Variants in CDH4 observed in about 807,000 individuals in gnomAD.
CDH4 encodes the protein cadherin 4.
CDH4 carries 33 observed loss-of-function variants against 86.0 expected under a neutral mutation model. The ratio of observed to expected loss-of-function variants is 0.38; its 90% CI spans 0.29 to 0.51. The LOEUF (loss-of-function observed/expected upper bound fraction) is 0.51, where lower values mean the gene tolerates loss of function less well. Ranked by LOEUF, CDH4 falls within the 20% of genes least tolerant of loss-of-function variation. CDH4 has a pLI of 0.86. For synonymous variants in CDH4, 555 were observed against 549.4 expected, an observed-to-expected ratio of 1.01 and a Z score of -0.14; for missense variants, 1,114 against 1,307.4, an observed-to-expected ratio of 0.85 and a Z score of 2.28.
chr20:61,301,533 G>A (rs550270990), intron 2 of CDH4, among the ~76,000 whole-genome samples: 24 of 152,282 alleles, frequency 1.6e-4, no homozygotes, highest in African/African-American at 5.8e-4. Context: ...AGTTTTTGCT[G>A]CTTTTTAAGT....
At chr20:61,330,678 C>T (rs2084567970) in intron 2 of CDH4, among the ~76,000 whole-genome samples, 1 of 152,210 alleles carries the variant, frequency 6.6e-6, no homozygotes, top group Non-Finnish European at 1.5e-5. Flanking sequence ...CCCTCATTCC[C>T]ACGAACGGGG....
intron 2 of CDH4, among the ~76,000 whole-genome samples, chr20:61,312,473 C>G (rs2084451940): frequency 6.6e-6 from 1 of 152,076 alleles, no homozygotes; most frequent in Non-Finnish European, 1.5e-5. Context: ...GCCTGGGAGG[C>G]AGAGTGAGGA....
At chr20:61,476,241 G>A (rs2085535049) in intron 2 of CDH4, among the ~76,000 whole-genome samples, 1 of 152,162 alleles carries the variant, frequency 6.6e-6, no homozygotes, top group Admixed American at 6.5e-5. Context: ...TTTCAGTCCT[G>A]CGTTAAGCTC....
chr20:61,312,487 G>T (rs546024266), intron 2 of CDH4, among the ~76,000 whole-genome samples: 188 of 152,224 alleles, frequency 1.2e-3, no homozygotes, highest in Non-Finnish European at 2.3e-3. Context: ...GTGAGGAGCC[G>T]CCAGCCCCCG....
intron 2 of CDH4, chr20:61,738,792 C>T (rs1484881997): frequency 2.0e-5 from 3 of 152,326 alleles, no homozygotes; most frequent in Admixed American, 6.5e-5. Context: ...CAGCAAACCC[C>T]GCTCCTCCTC....
intron 6 of CDH4, among the ~76,000 whole-genome samples, chr20:61,868,379 G>A (rs1983642620): frequency 6.6e-6 from 1 of 152,198 alleles, no homozygotes; most frequent in African/African-American, 2.4e-5. Context: ...CAGCCTGGCT[G>A]GTTCCTGCCG....
In CDH4 at chr20:61,577,701, T is replaced by C. The variant is rs111702541; in HGVS notation, c.170-165862T>C. Among the ~76,000 whole-genome samples the C allele has an allele frequency of 8.3e-3, 1,268 of 152,174 alleles. 13 individuals carry two copies. Among genetic ancestry groups the C allele is most frequent in the African/African-American group, 0.029 (1,193 of 41,512 alleles). On this transcript the variant is annotated intron_variant, in intron 2 of 15. Coordinates refer to ENST00000614565, the MANE Select transcript of CDH4 (RefSeq NM_001794.5). ...ATTTGAAATGCAGCCTATGGTTCTA[T>C]TGTGTTCCAGATGCTTGCATTGGAG...
chr20:61,463,280 G>T (rs1477753203), intron 2 of CDH4, among the ~76,000 whole-genome samples: 6 of 152,158 alleles, frequency 3.9e-5, no homozygotes, highest in African/African-American at 1.4e-4. Flanking sequence ...AATAATACAG[G>T]TGGGCACCGG....
intron 2 of CDH4, among the ~76,000 whole-genome samples, chr20:61,394,229 G>A (rs1376217098): frequency 2.1e-4 from 32 of 151,954 alleles, no homozygotes; most frequent in Admixed American, 2.0e-3. Context: ...TCTCAGAGGT[G>A]CCCCTTCTCC....
At chr20:61,476,467 T>C (rs1184137072) in intron 2 of CDH4, among the ~76,000 whole-genome samples, 1 of 152,262 alleles carries the variant, frequency 6.6e-6, no homozygotes, top group African/African-American at 2.4e-5. Flanking sequence ...CACACATTTA[T>C]ATCCATATGT....
At chr20:61,706,727 C>T (rs767245184) in intron 2 of CDH4, among the ~76,000 whole-genome samples, 3 of 152,164 alleles carry the variant, frequency 2.0e-5, no homozygotes, top group African/African-American at 7.2e-5. Flanking sequence ...TCTCCCGAGC[C>T]CGCTGCAGGC....
At chr20:61,625,956 C>T (rs2086826378) in intron 2 of CDH4, among the ~76,000 whole-genome samples, 1 of 152,250 alleles carries the variant, frequency 6.6e-6, no homozygotes, top group African/African-American at 2.4e-5. Context: ...GAGGATCCAA[C>T]AGGACCTGAC....
intron 4 of CDH4, among the ~76,000 whole-genome samples, chr20:61,816,690 G>GA (rs112849616): frequency 3.3e-5 from 5 of 151,426 alleles, no homozygotes; most frequent in Non-Finnish European, 7.4e-5. Context: ...ACGTTAAATG[G>GA]GGGGGGGCGG....
chr20:61,499,360 G>C (rs1427564470), intron 2 of CDH4: 4 of 935,662 alleles, frequency 4.3e-6, no homozygotes, highest in Non-Finnish European at 6.0e-6. Context: ...AAGGATAGCA[G>C]TGCCTCTTGC....
At chr20:61,923,390 C>G (rs2055005739) in intron 9 of CDH4, 61 bp from the exon 10 acceptor site, 1 of 1,574,478 alleles carries the variant, frequency 6.4e-7, no homozygotes, top group Non-Finnish European at 8.7e-7. Context: ...CATGTGTCCC[C>G]CCATGCCCAC....
chr20:61,434,397 C>T (rs2085268770), intron 2 of CDH4, among the ~76,000 whole-genome samples: 1 of 152,186 alleles, frequency 6.6e-6, no homozygotes, highest in African/African-American at 2.4e-5. Context: ...AAAGACGTCT[C>T]AAGGGATGAA....
Position 61,703,482 on chromosome 20 carries a change from T to C in CDH4, c.170-40081T>C, listed in dbSNP as rs558583260. Reference sequence around the variant, plus strand: ...TGCATTTGCAGAGTATTTAACCTAATATTGAAAAGACATCATTTGTCCCCA... The same window carrying C: ...TGCATTTGCAGAGTATTTAACCTAACATTGAAAAGACATCATTTGTCCCCA... On this transcript the variant is annotated intron_variant, in intron 2 of 15. Transcript: ENST00000614565. The surrounding 1 kb of genome is among the most constrained non-coding windows in gnomAD (Gnocchi z 4.3). Among the ~76,000 whole-genome samples, 1 of 152,274 alleles carries C rather than the reference T, an allele frequency of 6.6e-6. No homozygotes were observed. Among genetic ancestry groups the C allele is most frequent in the Non-Finnish European group, 1.5e-5 (1 of 68,010 alleles).
intron 3 of CDH4, among the ~76,000 whole-genome samples, chr20:61,751,685 G>T (rs2088498317): frequency 6.6e-6 from 1 of 152,328 alleles, no homozygotes; most frequent in East Asian, 1.9e-4. Context: ...ATTTTAAAGG[G>T]TTATGTAAGT....
At chr20:61,815,102 G>A (rs1980645938) in intron 4 of CDH4, among the ~76,000 whole-genome samples, 1 of 152,162 alleles carries the variant, frequency 6.6e-6, no homozygotes, top group Non-Finnish European at 1.5e-5. Flanking sequence ...GAGTTAACTT[G>A]GGTTCCCTTT....
Sources: gnomAD v4.1 joint callset for allele counts (sites outside exome capture counted in the v4.1 genomes callset) on GRCh38, gnomAD v4.1.1 for gene constraint, Gnocchi (gnomAD v3.1) non-coding constraint, MANE v1.5 for transcripts, NCBI Gene and HGNC (gene_info 2026-07-23, HGNC 2026-07-21) for gene names.